The following KLF12 variants were observed in gnomAD, a reference collection of about 807,000 sequenced individuals.
KLF12 encodes Krueppel-like factor 12.
A neutral mutation model predicts 37.8 loss-of-function variants in KLF12; 9 were observed. The ratio of observed to expected loss-of-function variants is 0.24; its 90% CI spans 0.14 to 0.42. The LOEUF is 0.42. KLF12 is among the 10% of genes least tolerant of loss of function. The pLI, the probability that KLF12 is intolerant of heterozygous loss-of-function variation, is 1.00. For synonymous variants in KLF12, 208 were observed against 202.1 expected (o/e 1.03, Z -0.25); for missense variants, 411 against 516.0 (o/e 0.80, Z 1.97).
intron 5 of KLF12, among the ~76,000 whole-genome samples, chr13:73,791,595 A>G (rs1377519985): frequency 1.3e-5 from 2 of 152,220 alleles, no homozygotes; most frequent in Non-Finnish European, 2.9e-5. Context: ...CTGCATATCT[A>G]GGTAGTAACA....
At chr13:73,804,723 T>A (rs1882468868) in intron 5 of KLF12, among the ~76,000 whole-genome samples, 1 of 152,200 alleles carries the variant, frequency 6.6e-6, no homozygotes, top group South Asian at 2.1e-4. Flanking sequence ...AATGGCTCCC[T>A]GATTTGCCCA....
At chr13:73,946,588 A>G (rs1442992475) in intron 2 of KLF12, among the ~76,000 whole-genome samples, 1 of 152,246 alleles carries the variant, frequency 6.6e-6, no homozygotes, top group Non-Finnish European at 1.5e-5. Flanking sequence ...TACAAGTGAA[A>G]AAAATAAAAC....
intron 1 of KLF12, among the ~76,000 whole-genome samples, chr13:74,100,511 G>A (rs1157741379): frequency 6.6e-6 from 1 of 152,046 alleles, no homozygotes; most frequent in Admixed American, 6.6e-5. Flanking sequence ...CCAGCTACTT[G>A]GGAGGCTGAG....
intron 2 of KLF12, among the ~76,000 whole-genome samples, chr13:73,959,043 T>C (rs1890936120): frequency 7.1e-6 from 1 of 141,756 alleles, no homozygotes; most frequent in African/African-American, 2.6e-5. Flanking sequence ...CCTTAACATC[T>C]CCAACTGGAC....
At chr13:73,752,038 T>C (rs1249034031) in intron 6 of KLF12, among the ~76,000 whole-genome samples, 2 of 152,158 alleles carry the variant, frequency 1.3e-5, no homozygotes, top group Admixed American at 6.5e-5. Flanking sequence ...GTCACTCTGT[T>C]GCCCAGGCTG....
intron 4 of KLF12, among the ~76,000 whole-genome samples, chr13:73,836,970 C>T (rs1350577250): frequency 1.3e-5 from 2 of 152,002 alleles, no homozygotes; most frequent in African/African-American, 2.4e-5. Context: ...CCTAATATCA[C>T]CTTACAATGA....
intron 1 of KLF12, among the ~76,000 whole-genome samples, chr13:74,011,626 A>C (rs1405335356): frequency 6.6e-6 from 1 of 152,256 alleles, no homozygotes; most frequent in Non-Finnish European, 1.5e-5. Flanking sequence ...AATTTGCCGC[A>C]GACTAAGTAC....
At chr13:74,134,188 G>T (rs900362898), upstream of KLF12, among the ~76,000 whole-genome samples, 2 of 150,590 alleles carry the variant, frequency 1.3e-5, no homozygotes, top group Admixed American at 6.6e-5. Flanking sequence ...GTGCTGTGAG[G>T]GGGGGGGCCG....
At chr13:73,947,221 T>C (rs1890464610) in intron 2 of KLF12, among the ~76,000 whole-genome samples, 1 of 152,252 alleles carries the variant, frequency 6.6e-6, no homozygotes, top group African/African-American at 2.4e-5. Flanking sequence ...ATACTTTATG[T>C]ATGCTTATAC....
chr13:74,267,818 A>G, the KLF12 span, among the ~76,000 whole-genome samples: 1 of 152,218 alleles, frequency 6.6e-6, no homozygotes, highest in Non-Finnish European at 1.5e-5. Context: ...TAGTATATGC[A>G]TGTATCAAAA....
At chr13:74,083,684 T>C (rs752501236) in intron 1 of KLF12, among the ~76,000 whole-genome samples, 5 of 152,232 alleles carry the variant, frequency 3.3e-5, no homozygotes, top group Non-Finnish European at 7.3e-5. Context: ...AGAATTTGGC[T>C]CAACAATATG....
intron 3 of KLF12, among the ~76,000 whole-genome samples, chr13:73,876,343 G>C (rs1056411599): frequency 2.6e-5 from 4 of 152,104 alleles, no homozygotes; most frequent in African/African-American, 9.7e-5. Context: ...TTGCAATGTG[G>C]CAATCTCTCA....
At chr13:73,910,935 G>A (rs1272750010) in intron 3 of KLF12, among the ~76,000 whole-genome samples, 1 of 152,140 alleles carries the variant, frequency 6.6e-6, no homozygotes, top group Non-Finnish European at 1.5e-5. Context: ...CCTTCACCAT[G>A]TAACACTCTA....
At chr13:74,242,517 C>G in the KLF12 span, among the ~76,000 whole-genome samples, 875 of 152,318 alleles carry the variant, frequency 5.7e-3, 10 homozygotes, top group African/African-American at 0.02. Flanking sequence ...TTATCTCCCA[C>G]TGGGTCCCTC....
intron 6 of KLF12, among the ~76,000 whole-genome samples, chr13:73,746,520 T>C (rs929631365): frequency 1.3e-5 from 2 of 152,050 alleles, no homozygotes; most frequent in African/African-American, 2.4e-5. Context: ...TGCCGTTATA[T>C]TCTCCTTTAG....
At chr13:74,063,885 T>C (rs777530701) in intron 1 of KLF12, among the ~76,000 whole-genome samples, 14 of 152,210 alleles carry the variant, frequency 9.2e-5, no homozygotes, top group East Asian at 1.9e-4. Context: ...AGTTTCCTAA[T>C]TCAGTGCTGT....
At chr13:74,056,654 T>C (rs1873261824) in intron 1 of KLF12, among the ~76,000 whole-genome samples, 1 of 152,242 alleles carries the variant, frequency 6.6e-6, no homozygotes, top group South Asian at 2.1e-4. Flanking sequence ...GTTACCCATC[T>C]ATATTGTTGA....
intron 1 of KLF12, among the ~76,000 whole-genome samples, chr13:74,045,204 C>A (rs1032528892): frequency 6.6e-6 from 1 of 152,174 alleles, no homozygotes; most frequent in African/African-American, 2.4e-5. Context: ...AGAAAGCTGA[C>A]AACCCCTATT....
At chr13:74,105,683 G>A (rs1402245566) in intron 1 of KLF12, among the ~76,000 whole-genome samples, 1 of 152,114 alleles carries the variant, frequency 6.6e-6, no homozygotes, top group Admixed American at 6.6e-5. Context: ...CTTCCAACCT[G>A]GATGTGTTAA....
Sources: allele counts gnomAD v4.1 joint callset (sites outside exome capture counted in the v4.1 genomes callset), GRCh38; gene constraint gnomAD v4.1.1; transcripts MANE v1.5; gene names NCBI Gene and HGNC (gene_info 2026-07-23, HGNC 2026-07-21).